APOB: variants seen among roughly 807,000 people sequenced by gnomAD.
APOB encodes the protein apolipoprotein B-100.
A neutral mutation model predicts 314.1 loss-of-function variants in APOB; 153 were observed. That is an observed-to-expected ratio of 0.49 (90% confidence interval 0.43 to 0.56). The LOEUF is 0.56. Ranked by LOEUF, APOB falls within the 20% of genes least tolerant of loss-of-function variation. APOB has a pLI of 0.00. For missense variants in APOB, 5,430 were observed against 5,350.7 expected, an observed-to-expected ratio of 1.01 and a Z score of -0.46; for synonymous variants, 2,087 against 2,036.4, an observed-to-expected ratio of 1.02 and a Z score of -0.67.
At chr2:21,004,145 G>A in intron 28 of APOB, 124 bp downstream of exon 28, 1 of 961,180 alleles carries the variant, frequency 1.0e-6, no homozygotes, top group Non-Finnish European at 1.6e-6. Context: ...CAGAGAAGAA[G>A]TTGCTTACCG....
intron 4 of APOB, 123 bp downstream of exon 4, chr2:21,040,815 C>T: frequency 1.8e-6 from 2 of 1,134,704 alleles, no homozygotes; most frequent in South Asian, 1.4e-5. Flanking sequence ...TCAGTAATTC[C>T]CTGATCCACG....
At position 21,007,647 on chromosome 2, in the gene APOB, T is replaced by C. The variant is rs372902533; in HGVS notation, c.9221A>G (p.Tyr3074Cys). The C allele has an allele frequency of 1.9e-5, 30 of 1,614,130 alleles. No homozygotes were observed. Among genetic ancestry groups the C allele is most frequent in the Admixed American group, 3.3e-5 (2 of 60,008 alleles). ...LTGKIDFLNN[Y>C]ALFLSPSAQQ... ...GGCACTGGGACTCAGAAACAGTGCATAGTTATTCAGGAAGTCTATCTTCCC... is the reference window on the plus strand; with the variant it reads ...GGCACTGGGACTCAGAAACAGTGCACAGTTATTCAGGAAGTCTATCTTCCC... Residue 3074 changes from tyrosine (Y) to cysteine (C), a missense_variant, in exon 26 of 29, where the codon TAT becomes TGT. Transcript: ENST00000233242.
rs1572800623 is a variant in APOB, at chr2:21,035,589, G to A, written c.813C>T (p.Ser271=). ...GGGTGCATCACATGACCTACTTGTA[G>A]GAGAAAGGCAGGAAGAGGTGTTGCT... ...CKEQHLFLPF[S]YKNKYGMVAQ... The change falls in exon 7 of 29, where the codon TCC becomes TCT. Residue 271 remains serine, a synonymous_variant. Transcript: ENST00000233242. 1 of 1,614,078 alleles carries A rather than the reference G, an allele frequency of 6.2e-7. No homozygotes were observed. Among genetic ancestry groups the A allele is most frequent in the South Asian group, 1.1e-5 (1 of 91,078 alleles).
At position 21,003,310 on chromosome 2, in the gene APOB, T is replaced by C. The variant is rs1443981616; in HGVS notation, c.12112A>G (p.Ile4038Val). Residue 4038 changes from isoleucine (I) to valine (V), a missense_variant, in exon 29 of 29, where the codon ATA becomes GTA. Physicochemically the swap from Ile to Val is conservative, Grantham distance 29 (BLOSUM62 3). Coordinates refer to ENST00000233242, the MANE Select transcript of APOB (RefSeq NM_000384.3). ...PQSSPDKKLT[I>V]FKTELRVRES... is the part of the protein sequence containing the mutation. ...CGGACCCTCAACTCAGTTTTGAATATGGTGAGTTTTTTATCTGGAGAGGAC... is the reference window on the plus strand; with the variant it reads ...CGGACCCTCAACTCAGTTTTGAATACGGTGAGTTTTTTATCTGGAGAGGAC... The C allele has an allele frequency of 1.2e-6, 2 of 1,613,416 alleles. No homozygotes were observed. Among genetic ancestry groups the C allele is most frequent in the East Asian group, 2.2e-5 (1 of 44,860 alleles).
intron 13 of APOB, 48 bp from the exon 14 acceptor site, chr2:21,028,113 C>G (rs1319452036): frequency 7.3e-7 from 1 of 1,364,770 alleles, no homozygotes; most frequent in African/African-American, 1.4e-5. Context: ...TGTTATTATC[C>G]TTTGACTCTT....
chr2:21,026,542 C>G (rs960466612), intron 15 of APOB, among the ~76,000 whole-genome samples: 2 of 151,920 alleles, frequency 1.3e-5, no homozygotes, highest in African/African-American at 4.8e-5. Context: ...ACCACCACAC[C>G]CAGCCCAGAG....
In APOB at chr2:21,005,828, A is replaced by G; in HGVS notation, c.11040T>C (p.Tyr3680=). The G allele has an allele frequency of 1.2e-6, 2 of 1,614,074 alleles. No homozygotes were observed. The highest frequency in any genetic ancestry group is 8.5e-7 in the Non-Finnish European group (1 of 1,179,956). The part of the protein sequence containing the change: ...RFLKNIILPV[Y]DKSLWDFLKL... ...TTAGGAAATCCCATAAGCTCTTGTC[A>G]TAGACTGGTAGGATGATATTTTTGA... The change falls in exon 26 of 29, where the codon TAT becomes TAC. Residue 3680 remains tyrosine (Y), a synonymous_variant. Transcript: ENST00000233242.
rs748427263 is a variant in APOB at position 21,008,158 on chromosome 2, C to T, written c.8710G>A (p.Ala2904Thr). The change falls in exon 26 of 29, where the codon GCT becomes ACT. Residue 2904 changes from alanine (A) to threonine (T), a missense_variant. This residue lies in a region of APOB where 3,281 missense variants were observed against 3,171.0 expected (regional missense o/e 1.03). Coordinates refer to ENST00000233242, the MANE Select transcript of APOB (RefSeq NM_000384.3). Reference protein sequence around the residue: ...NIPKLDFSSQADLRNEIKTLL... With the variant: ...NIPKLDFSSQTDLRNEIKTLL... The stretch of plus-strand genomic sequence containing the variant: ...GTCTTGATCTCGTTGCGCAGGTCAG[C>T]CTGACTAGAGAAGTCCAGTTTGGGG... 6.2e-7 allele frequency: 1 copy of T among 1,613,966 alleles called. No homozygotes were observed. The highest frequency in any genetic ancestry group is 1.1e-5 in the South Asian group (1 of 91,068).
In APOB at chr2:21,006,594, A is replaced by G; in HGVS notation, c.10274T>C (p.Val3425Ala). 1.2e-6 allele frequency: 2 copies of G among 1,614,080 alleles called. No individual in the cohort carries two copies. The highest frequency in any genetic ancestry group is 2.2e-5 in the South Asian group (2 of 91,084). The change falls in exon 26 of 29, where the codon GTG (valine) becomes GCG (alanine). Residue 3425 changes from valine to alanine, a missense_variant. Around this residue, in one of 3 missense-constraint regions of APOB, gnomAD observed 3,281 missense variants for 3,171.0 expected, o/e 1.03. Coordinates refer to ENST00000233242, the MANE Select transcript of APOB (RefSeq NM_000384.3). The stretch of plus-strand genomic sequence containing the variant: ...AATTTGGGCTTTTGTGGTTGTTGCC[A>G]CTGACACTTCCATATTTTTCGTGGT... ...SLTTKNMEVS[V>A]ATTTKAQIPI...
chr2:21,011,810 T>TG lies in APOB; in HGVS notation c.5057dup (p.Asn1687LysfsTer51). On this transcript the variant is annotated frameshift_variant, in exon 26 of 29. Coordinates refer to ENST00000233242, the MANE Select transcript of APOB (RefSeq NM_000384.3). LOFTEE classifies it high-confidence loss of function. ...CATTGTGTTCCCTGAAGCGGCCATTTGTTGTTAATTTCATAGATGCCCCAG... is the reference window on the plus strand; with the variant it reads ...CATTGTGTTCCCTGAAGCGGCCATTTGGTTGTTAATTTCATAGATGCCCCAG... The TG allele has an allele frequency of 6.2e-7, 1 of 1,614,160 alleles. No individual in the cohort carries two copies. The highest frequency in any genetic ancestry group is 8.5e-7 in the Non-Finnish European group (1 of 1,180,014).
At chr2:21,040,800 A>G (rs1013406051) in intron 4 of APOB, 138 bp downstream of exon 4, 22 of 950,602 alleles carry the variant, frequency 2.3e-5, no homozygotes, top group Non-Finnish European at 3.5e-5. Context: ...GATGATTGTG[A>G]AAACTCAGTA....
At chr2:21,023,751 A>G in intron 16 of APOB, 59 bp from the exon 17 acceptor site, 1 of 1,448,352 alleles carries the variant, frequency 6.9e-7, no homozygotes, top group Non-Finnish European at 9.4e-7. Flanking sequence ...CGGTTTTGTT[A>G]ATTACAACCT....
At chr2:21,036,491 T>C (rs1280368252) in intron 6 of APOB, among the ~76,000 whole-genome samples, 1 of 152,180 alleles carries the variant, frequency 6.6e-6, no homozygotes, top group Non-Finnish European at 1.5e-5. Flanking sequence ...GGGAAGATGT[T>C]GCAGGGGTCA....
Position 21,006,422 on chromosome 2 carries a change from G to C in APOB, c.10446C>G (p.Ser3482Arg). 1 of 1,614,072 alleles carries C rather than the reference G, an allele frequency of 6.2e-7. No individual in the cohort carries two copies. Among genetic ancestry groups the C allele is most frequent in the Non-Finnish European group, 8.5e-7 (1 of 1,179,992 alleles). Residue 3482 changes from serine to arginine, a missense_variant, in exon 26 of 29, where the codon AGC (serine) becomes AGG (arginine). This residue lies in a region of APOB where 3,281 missense variants were observed against 3,171.0 expected (regional missense o/e 1.03). Transcript: ENST00000233242. ...AAAAGTAAGAGGTGAGGCTTTCCAA[G>C]CTAAGCTTGTGGTCAACTGCTCCTT... ...TAKGAVDHKL[S>R]LESLTSYFSI... is the part of the protein sequence containing the mutation.
rs1329226709 is a variant in APOB, at chr2:21,007,139, G to C, written c.9729C>G (p.Pro3243=). ...TGTATCCAGGAATTTGAAAGGTCCT[G>C]GGGAGCTCGTCGTGAGATTTTTCAG... ...YKAEKSHDEL[P]RTFQIPGYTV... The change falls in exon 26 of 29, where the codon CCC becomes CCG. Residue 3243 remains proline, a synonymous_variant. Coordinates refer to ENST00000233242, the MANE Select transcript of APOB (RefSeq NM_000384.3). 1 of 1,613,978 alleles carries C rather than the reference G, an allele frequency of 6.2e-7. No homozygotes were observed.
Position 21,011,602 on chromosome 2 carries a change from T to G in APOB, c.5266A>C (p.Ser1756Arg). The G allele has an allele frequency of 6.2e-7, 1 of 1,614,214 alleles. No individual in the cohort carries two copies. Among genetic ancestry groups the G allele is most frequent in the Non-Finnish European group, 8.5e-7 (1 of 1,180,028 alleles). The change falls in exon 26 of 29, where the codon AGT becomes CGT. Residue 1756 changes from serine to arginine, a missense_variant. Physicochemically the swap from Ser to Arg is moderately radical, Grantham distance 110 (BLOSUM62 -1). Around this residue, in one of 3 missense-constraint regions of APOB, gnomAD observed 64 missense variants for 99.9 expected, o/e 0.64. Coordinates refer to ENST00000233242, the MANE Select transcript of APOB (RefSeq NM_000384.3). ...YAEMKFDHTN[S>R]LNIAGLSLDF... is the part of the protein sequence containing the mutation. ...AGTGATAAGCCTGCAATGTTCAGAC[T>G]GTTTGTGTGGTCAAATTTCATTTCA...
chr2:21,007,374 G>T lies in APOB; in HGVS notation c.9494C>A (p.Thr3165Lys), dbSNP rs750098966. 2 of 1,613,944 alleles carry T rather than the reference G, an allele frequency of 1.2e-6. No homozygotes were observed. Among genetic ancestry groups the T allele is most frequent in the East Asian group, 4.5e-5 (2 of 44,870 alleles). Residue 3165 changes from threonine to lysine, a missense_variant, in exon 26 of 29, where the codon ACA becomes AAA. Thr to Lys is a moderately conservative substitution (Grantham distance 78, BLOSUM62 -1). Coordinates refer to ENST00000233242, the MANE Select transcript of APOB (RefSeq NM_000384.3). Reference sequence around the variant, plus strand: ...TACACTTAAATCAAATGATTGCTTTGTCGTTTTCAAGAATTCCTTCAAGCC... The same window carrying T: ...TACACTTAAATCAAATGATTGCTTTTTCGTTTTCAAGAATTCCTTCAAGCC... Reference protein sequence around the residue: ...KTGLKEFLKTTKQSFDLSVKA... With the variant: ...KTGLKEFLKTKKQSFDLSVKA...
In APOB at chr2:21,005,453, G is replaced by A; in HGVS notation, c.11415C>T (p.Asp3805=). Reference sequence around the variant, plus strand: ...TTATCTCAAAAAAGGGAATCAAGGAGTCTTCTGGTTGAGAATATTTTGTTA... The same window carrying A: ...TTATCTCAAAAAAGGGAATCAAGGAATCTTCTGGTTGAGAATATTTTGTTA... The part of the protein sequence containing the change: ...DVLTKYSQPE[D]SLIPFFEITV... Residue 3805 remains aspartate (D), a synonymous_variant, in exon 26 of 29, where the codon GAC becomes GAT. Coordinates refer to ENST00000233242, the MANE Select transcript of APOB (RefSeq NM_000384.3). 2 of 1,614,102 alleles carry A rather than the reference G, an allele frequency of 1.2e-6. No homozygotes were observed. The highest frequency in any genetic ancestry group is 1.7e-6 in the Non-Finnish European group (2 of 1,179,978).
At chr2:21,027,747 G>A in intron 14 of APOB, 81 bp downstream of exon 14, 4 of 1,089,148 alleles carry the variant, frequency 3.7e-6, no homozygotes, top group Non-Finnish European at 5.7e-6. Context: ...TTTTCCTCTG[G>A]GTAGCTCCTG....
Sources: gnomAD v4.1 joint callset for allele counts (sites outside exome capture counted in the v4.1 genomes callset) on GRCh38, gnomAD v4.1.1 for gene constraint, gnomAD v4.1.1 regional missense constraint, MANE v1.5 for transcripts, NCBI Gene and HGNC (gene_info 2026-07-23, HGNC 2026-07-21) for gene names.